Variants in TNFRSF1B observed in about 807,000 individuals in gnomAD.
The protein encoded by TNFRSF1B is TNF receptor superfamily member 1B.
In TNFRSF1B, 19 loss-of-function variants were observed where a neutral mutation model predicts 44.6. The observed-to-expected ratio is 0.43, with a 90% CI of 0.30 to 0.62. The LOEUF is 0.62. TNFRSF1B is among the 20% of genes least tolerant of loss of function. TNFRSF1B has a pLI of 0.16. For missense variants in TNFRSF1B, 541 were observed against 619.9 expected (o/e 0.87, Z 1.35); for synonymous variants, 252 against 261.1 (o/e 0.97, Z 0.34).
At position 12,193,085 on chromosome 1, in the gene TNFRSF1B, C is replaced by T. The variant is rs1639186759; in HGVS notation, c.774C>T (p.Phe258=). The T allele has an allele frequency of 4.3e-6, 7 of 1,613,668 alleles. No homozygotes were observed. Among genetic ancestry groups the T allele is most frequent in the African/African-American group, 1.3e-5 (1 of 75,054 alleles). ...SPPAEGSTGD[F]ALPVGLIVGV... ...CAGCTGAAGGGAGCACTGGCGACTT[C>T]GCTCTTCCAGTTGGTAAGTCGCAAG... Residue 258 remains phenylalanine, a synonymous_variant, in exon 6 of 10, where the codon TTC becomes TTT. Transcript: ENST00000376259.
chr1:12,167,140 T>A lies in TNFRSF1B; in HGVS notation c.49T>A (p.Trp17Arg). 1 of 1,334,124 alleles carries A rather than the reference T, an allele frequency of 7.5e-7. No homozygotes were observed. Among genetic ancestry groups the A allele is most frequent in the Admixed American group, 3.3e-5 (1 of 30,058 alleles). 82.6% of individuals were successfully genotyped at this position (1,334,124 alleles called of 1,614,324 possible). Residue 17 changes from tryptophan to arginine, a missense_variant, in exon 1 of 10, where the codon TGG becomes AGG. Trp to Arg is a moderately radical substitution (Grantham distance 101). Transcript: ENST00000376259. ...CGCGCTGGCCGTCGGACTGGAGCTC[T>A]GGGCTGCGGCGCACGCCTTGCCCGC... The part of the protein sequence containing the change: ...WAALAVGLEL[W>R]AAAHALPAQV...
intron 3 of TNFRSF1B, chr1:12,191,566 C>T (rs1639131157): frequency 1.6e-6 from 1 of 640,942 alleles, no homozygotes; most frequent in Non-Finnish European, 2.7e-6. Context: ...CGGAGAGTAG[C>T]GGGACTGCGG....
At chr1:12,174,667 A>G (rs1638611950) in intron 1 of TNFRSF1B, among the ~76,000 whole-genome samples, 1 of 152,224 alleles carries the variant, frequency 6.6e-6, no homozygotes, top group Non-Finnish European at 1.5e-5. Flanking sequence ...GTTCACAGCA[A>G]GTATTGGGTG....
rs1489361736 is a variant in TNFRSF1B, at chr1:12,191,874, G to A, written c.408G>A (p.Leu136=). ...TGAGCAAGCAGGAGGGGTGCCGGCT[G>A]TGCGCGCCGCTGCGCAAGTGCCGCC... ...CALSKQEGCR[L]CAPLRKCRPG... The change falls in exon 4 of 10, where the codon CTG becomes CTA. Residue 136 remains leucine (L), a synonymous_variant. Transcript: ENST00000376259. 6.2e-7 allele frequency: 1 copy of A among 1,611,296 alleles called. No homozygotes were observed. Among genetic ancestry groups the A allele is most frequent in the East Asian group, 2.2e-5 (1 of 44,858 alleles).
chr1:12,181,359 T>A (rs987919828), intron 1 of TNFRSF1B, among the ~76,000 whole-genome samples: 2 of 152,068 alleles, frequency 1.3e-5, no homozygotes, highest in African/African-American at 4.8e-5. Context: ...AGCGCCCCCA[T>A]GGAGCCCCCA....
intron 8 of TNFRSF1B, among the ~76,000 whole-genome samples, chr1:12,196,834 G>A (rs1387754355): frequency 6.6e-6 from 1 of 152,206 alleles, no homozygotes; most frequent in East Asian, 1.9e-4. Context: ...AAGCTCTTCC[G>A]CAGCAGCCCA....
intron 8 of TNFRSF1B, among the ~76,000 whole-genome samples, chr1:12,195,988 A>G (rs773208268): frequency 5.9e-5 from 9 of 152,152 alleles, no homozygotes; most frequent in Non-Finnish European, 8.8e-5. Flanking sequence ...AAACAAAATT[A>G]AATAAAATAA....
chr1:12,179,135 C>T (rs1432862480), intron 1 of TNFRSF1B, among the ~76,000 whole-genome samples: 1 of 152,138 alleles, frequency 6.6e-6, no homozygotes, highest in Admixed American at 6.5e-5. Flanking sequence ...AGCCTGGCTC[C>T]AAGAACCGGA....
chr1:12,190,458 C>CA (rs4044499), intron 2 of TNFRSF1B, among the ~76,000 whole-genome samples: 13,559 of 61,112 alleles, frequency 0.22, 1,723 homozygotes, highest in Non-Finnish European at 0.28. Flanking sequence ...GATTCTGTCT[C>CA]AAAAAAAAAA....
chr1:12,194,463 G>A (rs1263205815), intron 7 of TNFRSF1B, 121 bp from the exon 8 acceptor site: 3 of 988,948 alleles, frequency 3.0e-6, no homozygotes, highest in East Asian at 4.8e-5. Context: ...TCTGGTAGGC[G>A]ATTGGTCCCC....
chr1:12,206,926 G>A lies in TNFRSF1B; in HGVS notation c.1292G>A (p.Arg431Gln), dbSNP rs373722040. 3.5e-5 allele frequency: 56 copies of A among 1,614,064 alleles called. No homozygotes were observed. The African/African-American group carries it at 5.1e-4, about 15-fold the overall frequency. The change falls in exon 10 of 10, where the codon CGG (arginine) becomes CAG (glutamine). Residue 431 changes from arginine (R) to glutamine (Q), a missense_variant. By Grantham distance (43) the Arg-to-Gln change is conservative. Coordinates refer to ENST00000376259, the MANE Select transcript of TNFRSF1B (RefSeq NM_001066.3). Reference sequence around the variant, plus strand: ...TTCTCCAAGGAGGAATGTGCCTTTCGGTCACAGCTGGAGACGCCAGAGACC... The same window carrying A: ...TTCTCCAAGGAGGAATGTGCCTTTCAGTCACAGCTGGAGACGCCAGAGACC... ...VPFSKEECAFRSQLETPETLL... is the reference protein window; with the variant it reads ...VPFSKEECAFQSQLETPETLL...
intron 1 of TNFRSF1B, among the ~76,000 whole-genome samples, chr1:12,183,656 T>TTATCTATCTATCTATCTATTC (rs1638865931): frequency 8.0e-6 from 1 of 125,280 alleles, no homozygotes; most frequent in African/African-American, 3.1e-5. Context: ...TTTATCTATT[T>TTATCTATCTATCTATCTATTC]TATCTATCTA....
intron 8 of TNFRSF1B, among the ~76,000 whole-genome samples, chr1:12,200,525 T>C (rs1320606926): frequency 6.6e-6 from 1 of 152,156 alleles, no homozygotes; most frequent in East Asian, 1.9e-4. Context: ...AGCAGCTACA[T>C]GCATAGACAG....
chr1:12,208,598 AG>A lies in TNFRSF1B; in HGVS notation c.*1580del, dbSNP rs1229418342. On this transcript the variant is annotated 3_prime_UTR_variant, in exon 10 of 10. Coordinates refer to ENST00000376259, the MANE Select transcript of TNFRSF1B (RefSeq NM_001066.3). ...CCTTGCCCGGATTCTGGGAGGAAGCAGGTTGAGGGGCTCCTGGAAAGGCTCA... is the reference window on the plus strand; with the variant it reads ...CCTTGCCCGGATTCTGGGAGGAAGCAGTTGAGGGGCTCCTGGAAAGGCTCA... The A allele has an allele frequency of 1.3e-5, 2 of 152,516 alleles. No homozygotes were observed. Among genetic ancestry groups the A allele is most frequent in the African/African-American group, 4.8e-5 (2 of 41,596 alleles). 9.4% of individuals were successfully genotyped at this position (152,516 alleles called of 1,614,324 possible).
intron 9 of TNFRSF1B, among the ~76,000 whole-genome samples, chr1:12,205,198 A>C (rs532111851): frequency 6.6e-6 from 1 of 152,030 alleles, no homozygotes; most frequent in South Asian, 2.1e-4. Context: ...TTCGTGGAGG[A>C]GGTGGCCTTT....
chr1:12,174,164 C>CT (rs1391426619), intron 1 of TNFRSF1B, among the ~76,000 whole-genome samples: 718 of 58,836 alleles, frequency 0.012, 5 homozygotes, highest in East Asian at 0.026. Flanking sequence ...TCTTCTTCTT[C>CT]TCCTTCTCCT....
rs760356408 is a variant in TNFRSF1B at position 12,188,894 on chromosome 1, G to A, written c.177G>A (p.Pro59=). The A allele has an allele frequency of 2.4e-5, 38 of 1,612,688 alleles. No homozygotes were observed. In the South Asian group the frequency reaches 2.4e-4, roughly 10 times the overall value. ...TAQMCCSKCS[P]GQHAKVFCTK... ...AGATGTGCTGCAGCAAATGCTCGCCGGGTGAGGGCAGCCACGGGGGCACTC... is the reference window on the plus strand; with the variant it reads ...AGATGTGCTGCAGCAAATGCTCGCCAGGTGAGGGCAGCCACGGGGGCACTC... The change falls in exon 2 of 10, where the codon CCG becomes CCA. Residue 59 remains proline (P), a splice_region_variant and synonymous_variant. Coordinates refer to ENST00000376259, the MANE Select transcript of TNFRSF1B (RefSeq NM_001066.3).
At chr1:12,198,859 T>G (rs1222359436) in intron 8 of TNFRSF1B, among the ~76,000 whole-genome samples, 2 of 151,916 alleles carry the variant, frequency 1.3e-5, no homozygotes, top group East Asian at 1.9e-4. Flanking sequence ...CCCAGCTAAT[T>G]TTTTGTATTT....
Position 12,191,844 on chromosome 1 carries a change from C to T in TNFRSF1B, c.378C>T (p.Cys126=), listed in dbSNP as rs1211030639. 6.2e-6 allele frequency: 10 copies of T among 1,612,754 alleles called. No individual in the cohort carries two copies. The Middle Eastern group carries it at 5.2e-4, about 84-fold the overall frequency. ...RICTCRPGWY[C]ALSKQEGCRL... is the part of the protein sequence containing the mutation. ...GCACCTGCAGGCCCGGCTGGTACTG[C>T]GCGCTGAGCAAGCAGGAGGGGTGCC... Residue 126 remains cysteine, a synonymous_variant, in exon 4 of 10, where the codon TGC becomes TGT. Coordinates refer to ENST00000376259, the MANE Select transcript of TNFRSF1B (RefSeq NM_001066.3).
Sources: gnomAD v4.1 joint callset for allele counts (sites outside exome capture counted in the v4.1 genomes callset) on GRCh38, gnomAD v4.1.1 for gene constraint, MANE v1.5 for transcripts, NCBI Gene and HGNC (gene_info 2026-07-23, HGNC 2026-07-21) for gene names.